Variants in MROH7 observed in about 807,000 individuals in gnomAD.
MROH7 encodes maestro heat-like repeat-containing protein family member 7.
Under a neutral mutation model 129.2 loss-of-function variants are expected in MROH7, and 113 were observed. That is an observed-to-expected ratio of 0.87 (90% CI 0.75 to 1.02). The LOEUF (loss-of-function observed/expected upper bound fraction) is 1.02. MROH7 is among the 50% of genes least tolerant of loss of function. The pLI, the probability that MROH7 is intolerant of heterozygous loss-of-function variation, is 0.00. For synonymous variants in MROH7, 655 were observed against 667.9 expected (o/e 0.98, Z 0.30); for missense variants, 1,601 against 1,671.3 (o/e 0.96, Z 0.73).
At chr1:54,666,806 G>A (rs998288392) in intron 4 of MROH7, among the ~76,000 whole-genome samples, 2 of 152,052 alleles carry the variant, frequency 1.3e-5, no homozygotes, top group Non-Finnish European at 2.9e-5. Context: ...TAATGGATCA[G>A]GAACAGAGAT....
intron 22 of MROH7, among the ~76,000 whole-genome samples, chr1:54,707,885 C>T (rs1275904920): frequency 1.3e-5 from 2 of 152,126 alleles, no homozygotes; most frequent in Non-Finnish European, 2.9e-5. Flanking sequence ...TCCTCAGATC[C>T]TTGCCCTCCC....
chr1:54,680,100 C>A, intron 13 of MROH7, 55 bp downstream of exon 13: 2 of 1,564,958 alleles, frequency 1.3e-6, no homozygotes, highest in Non-Finnish European at 1.8e-6. Context: ...AAGCAGCCCC[C>A]ACCCCAGGTT....
chr1:54,688,820 G>A (rs537084926), intron 15 of MROH7, among the ~76,000 whole-genome samples: 1 of 152,194 alleles, frequency 6.6e-6, no homozygotes, highest in Non-Finnish European at 1.5e-5. Flanking sequence ...AGGCTCTGGA[G>A]GGGGAGGAGG....
rs753176266 is a variant in MROH7 at position 54,653,843 on chromosome 1, A to G, written c.917A>G (p.Tyr306Cys). 11 of 1,614,056 alleles carry G rather than the reference A, an allele frequency of 6.8e-6. No homozygotes were observed. The East Asian group carries it at 1.1e-4, about 16-fold the overall frequency. ...GTGACCCTGATTCCTGGCTCCAGCT[A>G]TGGTATCAGCCTGCACTCCAGCACC... ...SYVTLIPGSS[Y>C]GISLHSSTHE... Residue 306 changes from tyrosine (Y) to cysteine (C), a missense_variant, in exon 3 of 24, where the codon TAT (tyrosine) becomes TGT (cysteine). Coordinates refer to ENST00000421030, the MANE Select transcript of MROH7 (RefSeq NM_001039464.4).
chr1:54,658,112 C>T (rs1557695153), intron 3 of MROH7, among the ~76,000 whole-genome samples: 1 of 152,168 alleles, frequency 6.6e-6, no homozygotes, highest in African/African-American at 2.4e-5. Context: ...TTCCAGTCCC[C>T]CAGCCCCTAG....
Position 54,653,493 on chromosome 1 carries a change from G to A in MROH7, c.567G>A (p.Leu189=), listed in dbSNP as rs1557691449. 6.2e-7 allele frequency: 1 copy of A among 1,614,124 alleles called. No homozygotes were observed. The highest frequency in any genetic ancestry group is 8.5e-7 in the Non-Finnish European group (1 of 1,180,010). Reference sequence around the variant, plus strand: ...ACCATTCCAGAGAAGGTCTGGTTCTGGGCCACTGCATCTCTAGGCCAAGCT... The same window carrying A: ...ACCATTCCAGAGAAGGTCTGGTTCTAGGCCACTGCATCTCTAGGCCAAGCT... ...IRHHSREGLV[L]GHCISRPSSK... Residue 189 remains leucine, a synonymous_variant, in exon 3 of 24, where the codon CTG becomes CTA. Coordinates refer to ENST00000421030, the MANE Select transcript of MROH7 (RefSeq NM_001039464.4).
At chr1:54,699,969 CAGCCTGGG>C in intron 17 of MROH7, 1 of 609,496 alleles carries the variant, frequency 1.6e-6, no homozygotes, top group South Asian at 2.0e-5. Context: ...AGGGGTGGAA[CAGCCTGGG>C]TAGTTCAGAG....
intron 4 of MROH7, among the ~76,000 whole-genome samples, chr1:54,667,359 A>C (rs1203872969): frequency 6.8e-6 from 1 of 146,178 alleles, no homozygotes; most frequent in Non-Finnish European, 1.5e-5. Flanking sequence ...GGTGGCTCAC[A>C]CCTGTAATCC....
chr1:54,667,177 C>T (rs1364707911), intron 4 of MROH7, among the ~76,000 whole-genome samples: 1 of 152,194 alleles, frequency 6.6e-6, no homozygotes, highest in Non-Finnish European at 1.5e-5. Context: ...ATAGCTAGCT[C>T]TTGTCATTTA....
Position 54,710,211 on chromosome 1 carries a change from T to G in MROH7, c.*24T>G. 1 of 1,603,338 alleles carries G rather than the reference T, an allele frequency of 6.2e-7. No homozygotes were observed. Among genetic ancestry groups the G allele is most frequent in the Non-Finnish European group, 8.5e-7 (1 of 1,176,292 alleles). On this transcript the variant is annotated 3_prime_UTR_variant, in exon 24 of 24. Transcript: ENST00000421030. ...GACGTCCCTGAGCCCCAAACCCTCC[T>G]CAGGGTGGTTGAGTTCCAGCCATGC...
In MROH7 at chr1:54,701,184, CCT is replaced by C. The variant is rs765236228; in HGVS notation, c.3148_3149del (p.Leu1050GlufsTer120). The C allele has an allele frequency of 1.2e-6, 2 of 1,614,140 alleles. No homozygotes were observed. Among genetic ancestry groups the C allele is most frequent in the Non-Finnish European group, 1.7e-6 (2 of 1,180,030 alleles). On this transcript the variant is annotated frameshift_variant, in exon 19 of 24. Transcript: ENST00000421030. LOFTEE classifies it high-confidence loss of function. Reference protein sequence around the residue: ...KALLPSMVKGLKNMDGMLVVE... With the variant: ...KALLPSMVKGXKNMDGMLVVE... ...CCCTCCTGCCCTCCATGGTGAAGGG[CCT>C]GAAGAACATGGATGGGATGCTGGTG...
chr1:54,655,893 A>ATTT (rs372850123), intron 3 of MROH7, among the ~76,000 whole-genome samples: 2 of 133,702 alleles, frequency 1.5e-5, no homozygotes, highest in Non-Finnish European at 3.2e-5. Context: ...ACTTTATAGT[A>ATTT]TTTTTTTTTT....
In MROH7 at chr1:54,680,005, G is replaced by T; in HGVS notation, c.2341G>T (p.Val781Phe). 6.2e-7 allele frequency: 1 copy of T among 1,614,066 alleles called. No homozygotes were observed. The highest frequency in any genetic ancestry group is 1.1e-5 in the South Asian group (1 of 91,084). ...CCTGGCTAGCTCCTTCATGACCGAG[G>T]TTGTGGTGGCCCTGCTCATGTGCCC... ...SLLASSFMTE[V>F]VVALLMCPLP... The change falls in exon 13 of 24, where the codon GTT (valine) becomes TTT (phenylalanine). Residue 781 changes from valine (V) to phenylalanine (F), a missense_variant. Val to Phe is a conservative substitution (Grantham distance 50). Coordinates refer to ENST00000421030, the MANE Select transcript of MROH7 (RefSeq NM_001039464.4).
intron 8 of MROH7, 115 bp from the exon 9 acceptor site, chr1:54,673,586 G>A (rs1644935456): frequency 2.7e-6 from 2 of 738,420 alleles, no homozygotes; most frequent in Non-Finnish European, 4.8e-6. Context: ...GGGCTGTGGT[G>A]ACCTTTATAC....
At chr1:54,697,445 C>A in intron 17 of MROH7, 1 of 468,906 alleles carries the variant, frequency 2.1e-6, no homozygotes, top group Non-Finnish European at 3.8e-6. Context: ...TGCAGGTCAC[C>A]AGCAGAATGT....
At chr1:54,674,915 A>T (rs1451145162) in intron 10 of MROH7, among the ~76,000 whole-genome samples, 1 of 152,154 alleles carries the variant, frequency 6.6e-6, no homozygotes, top group Non-Finnish European at 1.5e-5. Flanking sequence ...ACCTCAGGTA[A>T]TCACTTTGTG....
At chr1:54,700,099 A>G in intron 17 of MROH7, 2 of 707,118 alleles carry the variant, frequency 2.8e-6, no homozygotes, top group Non-Finnish European at 2.6e-6. Context: ...AGGCAACAAC[A>G]AGCAGTCACA....
At chr1:54,682,140 T>C (rs1046750647) in intron 13 of MROH7, among the ~76,000 whole-genome samples, 7 of 150,022 alleles carry the variant, frequency 4.7e-5, no homozygotes, top group Admixed American at 6.8e-5. Context: ...ACCTGGGAAA[T>C]AGGGTTTCTT....
chr1:54,705,812 T>C (rs1057354840), intron 21 of MROH7, among the ~76,000 whole-genome samples: 1 of 152,158 alleles, frequency 6.6e-6, no homozygotes, highest in African/African-American at 2.4e-5. Flanking sequence ...TTGATACACA[T>C]AGGTCGTCAA....
Sources: allele counts gnomAD v4.1 joint callset (sites outside exome capture counted in the v4.1 genomes callset), GRCh38; gene constraint gnomAD v4.1.1; transcripts MANE v1.5; gene names NCBI Gene and HGNC (gene_info 2026-07-23, HGNC 2026-07-21).